Variants in SLC35F4 observed in about 807,000 individuals in gnomAD.
The protein encoded by SLC35F4 is solute carrier family 35 member F4.
In SLC35F4, 24 loss-of-function variants were observed where a neutral mutation model predicts 44.2. That is an observed-to-expected ratio of 0.54 (90% CI 0.39 to 0.76). The LOEUF (loss-of-function observed/expected upper bound fraction) is 0.76. Ranked by LOEUF, SLC35F4 falls within the 30% of genes least tolerant of loss-of-function variation. SLC35F4 has a pLI of 0.00. For synonymous variants in SLC35F4, 238 were observed against 223.6 expected, an observed-to-expected ratio of 1.06 and a Z score of -0.57; for missense variants, 562 against 586.1, an observed-to-expected ratio of 0.96 and a Z score of 0.42.
At chr14:57,920,937 C>A (rs1017842452) in intron 1 of SLC35F4, among the ~76,000 whole-genome samples, 2 of 152,036 alleles carry the variant, frequency 1.3e-5, no homozygotes, top group Admixed American at 6.5e-5. Flanking sequence ...CTTTTTATAA[C>A]AAATGAACAG....
intron 1 of SLC35F4, among the ~76,000 whole-genome samples, chr14:57,659,168 G>T (rs759927164): frequency 6.6e-6 from 1 of 152,140 alleles, no homozygotes; most frequent in Non-Finnish European, 1.5e-5. Flanking sequence ...AACTCAAAAT[G>T]AGGAAGAAAG....
intron 1 of SLC35F4, among the ~76,000 whole-genome samples, chr14:57,643,101 GTTC>G (rs1168859549): frequency 2.6e-5 from 4 of 151,314 alleles, no homozygotes; most frequent in African/African-American, 4.9e-5. Context: ...ACCTTAATTG[GTTC>G]TTATTGTAAA....
chr14:57,602,239 G>C (rs1435844163), intron 1 of SLC35F4, among the ~76,000 whole-genome samples: 1 of 152,132 alleles, frequency 6.6e-6, no homozygotes, highest in Non-Finnish European at 1.5e-5. Flanking sequence ...GTTTGGATAG[G>C]AGGAGAGCCT....
At chr14:57,818,686 A>G (rs1386012042) in intron 1 of SLC35F4, among the ~76,000 whole-genome samples, 1 of 152,254 alleles carries the variant, frequency 6.6e-6, no homozygotes, top group African/African-American at 2.4e-5. Context: ...AGGGATGAAG[A>G]TCTGGGTCAC....
intron 1 of SLC35F4, among the ~76,000 whole-genome samples, chr14:57,927,923 C>G (rs1005332127): frequency 5.9e-5 from 9 of 152,210 alleles, no homozygotes; most frequent in African/African-American, 2.2e-4. Flanking sequence ...AACTCTTTGT[C>G]TGGATCTAGA....
chr14:57,972,468 A>G (rs994482776), downstream of SLC35F4, among the ~76,000 whole-genome samples: 1 of 152,206 alleles, frequency 6.6e-6, no homozygotes, highest in African/African-American at 2.4e-5. Flanking sequence ...CTACCAGAAC[A>G]TACTGTAATT....
At chr14:57,782,457 A>T (rs1307875975) in intron 1 of SLC35F4, among the ~76,000 whole-genome samples, 1 of 152,216 alleles carries the variant, frequency 6.6e-6, no homozygotes, top group Non-Finnish European at 1.5e-5. Flanking sequence ...TTAACACCAT[A>T]AAACGTACAC....
In SLC35F4 at chr14:57,630,388, T is replaced by G. The variant is rs549156448; in HGVS notation, c.104-36264A>C. On this transcript the variant is annotated intron_variant, in intron 1 of 7. Transcript: ENST00000556826. ...ATAGCAGAAGCCATTCCAAATATGATAGATTCAAACACTGAAATTAATCTT... is the reference window on the plus strand; with the variant it reads ...ATAGCAGAAGCCATTCCAAATATGAGAGATTCAAACACTGAAATTAATCTT... 23 of 648,220 alleles carry G rather than the reference T, an allele frequency of 3.5e-5. No homozygotes were observed. In the Admixed American group the frequency reaches 3.8e-4, roughly 11 times the overall value. The allele number at this position is 648,220 out of a possible 1,614,324, so 40.2% of individuals were successfully genotyped here.
intron 1 of SLC35F4, among the ~76,000 whole-genome samples, chr14:57,631,804 C>T (rs1439582154): frequency 2.6e-5 from 4 of 152,000 alleles, no homozygotes; most frequent in Non-Finnish European, 4.4e-5. Flanking sequence ...TCTGAAAGAT[C>T]GTTTTGGGGA....
chr14:57,953,366 T>C (rs780476166), intron 1 of SLC35F4, among the ~76,000 whole-genome samples: 4 of 152,076 alleles, frequency 2.6e-5, no homozygotes, highest in Non-Finnish European at 5.9e-5. Flanking sequence ...ATGAAGAAAC[T>C]GCATCAACTA....
chr14:57,646,753 G>A (rs1168243936), intron 1 of SLC35F4, among the ~76,000 whole-genome samples: 4 of 152,072 alleles, frequency 2.6e-5, no homozygotes, highest in Non-Finnish European at 5.9e-5. Context: ...TCTCTTGTGG[G>A]CATTTAGTGC....
chr14:57,967,789 G>T (rs973899033), intron 1 of SLC35F4, among the ~76,000 whole-genome samples: 3 of 152,136 alleles, frequency 2.0e-5, no homozygotes, highest in African/African-American at 7.2e-5. Flanking sequence ...ATTGAGACAA[G>T]AAGTCATCAA....
At chr14:57,919,999 G>A (rs1889410599) in intron 1 of SLC35F4, among the ~76,000 whole-genome samples, 1 of 152,050 alleles carries the variant, frequency 6.6e-6, no homozygotes, top group African/African-American at 2.4e-5. Context: ...TCTCATGTTT[G>A]CTCATTACCA....
At chr14:57,735,739 T>TA (rs149470834) in intron 1 of SLC35F4, among the ~76,000 whole-genome samples, 10,588 of 148,648 alleles carry the variant, frequency 0.071, 877 homozygotes, top group African/African-American at 0.21. Flanking sequence ...TTTTTTTTTT[T>TA]AAAGACAGAG....
At chr14:57,680,243 C>A (rs908205543) in intron 1 of SLC35F4, among the ~76,000 whole-genome samples, 1 of 152,030 alleles carries the variant, frequency 6.6e-6, no homozygotes. Flanking sequence ...AAACATAAAC[C>A]ATCACATAAA....
downstream of SLC35F4, among the ~76,000 whole-genome samples, chr14:57,976,341 T>C (rs1881216766): frequency 6.6e-6 from 1 of 152,202 alleles, no homozygotes; most frequent in Non-Finnish European, 1.5e-5. Flanking sequence ...AGATGATAAA[T>C]GAAATTCTGT....
At chr14:57,727,570 T>C (rs1034736115) in intron 1 of SLC35F4, among the ~76,000 whole-genome samples, 9 of 152,092 alleles carry the variant, frequency 5.9e-5, no homozygotes, top group Non-Finnish European at 8.8e-5. Context: ...CTGTGTCCCA[T>C]AGGTTTTGGT....
intron 1 of SLC35F4, among the ~76,000 whole-genome samples, chr14:57,856,911 A>G (rs1887158119): frequency 1.3e-5 from 2 of 152,106 alleles, no homozygotes; most frequent in African/African-American, 4.8e-5. Context: ...CTTCAAAAGA[A>G]GAAAGAGGAG....
intron 1 of SLC35F4, among the ~76,000 whole-genome samples, chr14:57,839,753 T>TA (rs1048306007): frequency 6.0e-5 from 9 of 151,252 alleles, no homozygotes; most frequent in East Asian, 1.9e-4. Context: ...CCCTGAACTT[T>TA]AAAAAAAAAG....
Sources: allele counts gnomAD v4.1 joint callset (sites outside exome capture counted in the v4.1 genomes callset), GRCh38; gene constraint gnomAD v4.1.1; transcripts MANE v1.5; gene names NCBI Gene and HGNC (gene_info 2026-07-23, HGNC 2026-07-21).